The following OPHN1 variants were observed in gnomAD, a reference collection of about 807,000 sequenced individuals.
OPHN1 encodes the protein oligophrenin-1.
In OPHN1, 11 loss-of-function variants were observed where a neutral mutation model predicts 60.7. The ratio of observed to expected loss-of-function variants is 0.18; its 90% CI spans 0.11 to 0.30. The LOEUF is 0.30. Among genes scored for constraint, OPHN1 ranks in the 10% least tolerant of loss-of-function variants. The probability of loss-of-function intolerance (pLI) is 1.00; values close to 1 mark genes in which losing one functional copy is unlikely to be tolerated. For missense variants in OPHN1, 449 were observed against 611.0 expected (o/e 0.73, Z 2.80); for synonymous variants, 226 against 222.6 (o/e 1.02, Z -0.14).
intron 5 of OPHN1, among the ~76,000 whole-genome samples, chrX:68,256,964 G>A (rs751884750): frequency 3.7e-5 from 4 of 109,387 alleles, no homozygotes; most frequent in African/African-American, 6.7e-5. Context: ...CCCGGGAGGC[G>A]GAGGTTGCAG....
intron 5 of OPHN1, among the ~76,000 whole-genome samples, chrX:68,244,266 G>T (rs760796758): frequency 8.9e-6 from 1 of 112,229 alleles, no homozygotes; most frequent in South Asian, 3.7e-4. Flanking sequence ...ATTTTCAGAG[G>T]CTGTCCATTA....
intron 5 of OPHN1, among the ~76,000 whole-genome samples, chrX:68,244,667 T>G (rs913613565): frequency 1.8e-5 from 2 of 112,643 alleles, no homozygotes; most frequent in African/African-American, 6.4e-5. Flanking sequence ...CTGAGTTAAC[T>G]TTTTCAAGTA....
At chrX:68,390,661 C>T (rs914754957) in intron 2 of OPHN1, among the ~76,000 whole-genome samples, 4 of 111,485 alleles carry the variant, frequency 3.6e-5, no homozygotes, top group Non-Finnish European at 7.5e-5. Flanking sequence ...TTATTAAGGG[C>T]CCACTGCAGA....
chrX:68,273,700 A>G (rs1302755955), intron 5 of OPHN1, among the ~76,000 whole-genome samples: 2 of 112,283 alleles, frequency 1.8e-5, no homozygotes, highest in Non-Finnish European at 3.7e-5. Context: ...GCAAAGATCT[A>G]GACAGCATAG....
chrX:68,336,653 C>T (rs1445561509), intron 2 of OPHN1, among the ~76,000 whole-genome samples: 8 of 91,863 alleles, frequency 8.7e-5, no homozygotes, highest in African/African-American at 3.3e-4. Context: ...TATGTGTGTA[C>T]GTGTGTGTGT....
chrX:68,306,117 A>AT (rs1160045460), intron 2 of OPHN1, among the ~76,000 whole-genome samples: 1 of 112,516 alleles, frequency 8.9e-6, no homozygotes, highest in Non-Finnish European at 1.9e-5. Flanking sequence ...GTCATATTTC[A>AT]TAAGGCCCTT....
chrX:68,113,182 G>A lies in OPHN1; in HGVS notation c.1419C>T (p.Ala473=), dbSNP rs987929396. The change falls in exon 17 of 25, where the codon GCC becomes GCT. Residue 473 remains alanine, a splice_region_variant and synonymous_variant. Transcript: ENST00000355520. ...TTAATTAGTAACATAAATACTTACT[G>A]GCAGCAGAGACCAGCTCTTTGTGAA... ...YRLHKELVSA[A]KSDNLDYRLG... 3.2e-5 allele frequency: 38 copies of A among 1,196,068 alleles called. No individual in the cohort carries two copies. Among genetic ancestry groups the A allele is most frequent in the Non-Finnish European group, 4.2e-5 (37 of 882,861 alleles).
At chrX:68,287,255 GAGAAA>G (rs1342645719) in intron 3 of OPHN1, among the ~76,000 whole-genome samples, 4 of 93,398 alleles carry the variant, frequency 4.3e-5, no homozygotes, top group African/African-American at 8.1e-5. Context: ...GAAGGGAAGG[GAGAAA>G]AGAAAAGAGA....
chrX:68,206,290 T>C (rs987391670), intron 10 of OPHN1, among the ~76,000 whole-genome samples: 1 of 111,670 alleles, frequency 9.0e-6, no homozygotes, highest in African/African-American at 3.3e-5. Flanking sequence ...AAGTAATTCA[T>C]CCATATTTTT....
At chrX:68,163,750 T>C (rs749650055) in intron 15 of OPHN1, among the ~76,000 whole-genome samples, 2 of 111,378 alleles carry the variant, frequency 1.8e-5, no homozygotes, top group East Asian at 2.8e-4. Flanking sequence ...AAACACTTGT[T>C]ATCTTTTGTC....
At chrX:68,271,091 G>A (rs768738323) in intron 5 of OPHN1, among the ~76,000 whole-genome samples, 4 of 111,435 alleles carry the variant, frequency 3.6e-5, no homozygotes, top group East Asian at 2.8e-4. Flanking sequence ...AGCAGTGCTG[G>A]GTATACCAGG....
intron 15 of OPHN1, among the ~76,000 whole-genome samples, chrX:68,190,218 A>T (rs1239140498): frequency 8.9e-6 from 1 of 112,069 alleles, no homozygotes; most frequent in Non-Finnish European, 1.9e-5. Context: ...TAGACATTGA[A>T]AGGTAACTGA....
intron 6 of OPHN1, among the ~76,000 whole-genome samples, chrX:68,222,676 G>A (rs1426640470): frequency 1.9e-5 from 2 of 104,897 alleles, no homozygotes; most frequent in Non-Finnish European, 3.9e-5. Context: ...ACTATCGCAA[G>A]AACAAAAAAG....
At chrX:68,385,080 T>C (rs1420167571) in intron 2 of OPHN1, among the ~76,000 whole-genome samples, 1 of 111,368 alleles carries the variant, frequency 9.0e-6, no homozygotes, top group Non-Finnish European at 1.9e-5. Flanking sequence ...AAAAAATCAG[T>C]ATAAATGTAT....
chrX:68,052,539 C>A lies in OPHN1; in HGVS notation c.2375+1G>T. 1.7e-6 allele frequency: 2 copies of A among 1,204,864 alleles called. No individual in the cohort carries two copies. Among genetic ancestry groups the A allele is most frequent in the Non-Finnish European group, 2.2e-6 (2 of 891,574 alleles). Reference sequence around the variant, plus strand: ...TTTCTTTTGTCACCTCCATATCTTACCTTCCTGTTTTCCGGGAAGCTGTTT... The same window carrying A: ...TTTCTTTTGTCACCTCCATATCTTAACTTCCTGTTTTCCGGGAAGCTGTTT... On this transcript the variant is annotated splice_donor_variant, in intron 23 of 24. Coordinates refer to ENST00000355520, the MANE Select transcript of OPHN1 (RefSeq NM_002547.3). LOFTEE classifies it high-confidence loss of function.
intron 20 of OPHN1, among the ~76,000 whole-genome samples, chrX:68,068,587 C>G (rs2076922207): frequency 9.1e-6 from 1 of 109,873 alleles, no homozygotes; most frequent in Admixed American, 9.8e-5. Flanking sequence ...AGGTATATAC[C>G]CAAGATAATT....
intron 15 of OPHN1, among the ~76,000 whole-genome samples, chrX:68,158,098 G>A (rs2077318097): frequency 8.9e-6 from 1 of 111,994 alleles, no homozygotes; most frequent in Non-Finnish European, 1.9e-5. Flanking sequence ...GGGACTACAG[G>A]TGCCTGCCAA....
intron 2 of OPHN1, among the ~76,000 whole-genome samples, chrX:68,319,798 G>A (rs936991505): frequency 1.8e-5 from 2 of 110,177 alleles, no homozygotes; most frequent in African/African-American, 3.3e-5. Flanking sequence ...TTACAATTTT[G>A]CTCTACAAAA....
At chrX:68,286,758 G>C (rs2147610374) in intron 3 of OPHN1, among the ~76,000 whole-genome samples, 1 of 111,635 alleles carries the variant, frequency 9.0e-6, no homozygotes, top group South Asian at 3.8e-4. Flanking sequence ...GCTCACACCT[G>C]TAATCCTAGT....
Sources: gnomAD v4.1 joint callset for allele counts (sites outside exome capture counted in the v4.1 genomes callset) on GRCh38, gnomAD v4.1.1 for gene constraint, MANE v1.5 for transcripts, NCBI Gene and HGNC (gene_info 2026-07-23, HGNC 2026-07-21) for gene names.